Variants in TM9SF4 observed in about 807,000 individuals in gnomAD.
The protein encoded by TM9SF4 is transmembrane 9 superfamily member 4.
Under a neutral mutation model 90.4 loss-of-function variants are expected in TM9SF4, and 26 were observed. That is an observed-to-expected ratio of 0.29 (90% CI 0.21 to 0.40). The LOEUF (loss-of-function observed/expected upper bound fraction) is 0.40. Among genes scored for constraint, TM9SF4 ranks in the 10% least tolerant of loss-of-function variants. TM9SF4 has a pLI of 1.00. For synonymous variants in TM9SF4, 293 were observed against 315.4 expected, an observed-to-expected ratio of 0.93 and a Z score of 0.75; for missense variants, 549 against 834.8, an observed-to-expected ratio of 0.66 and a Z score of 4.22.
At chr20:32,125,639 C>G (rs996452325) in intron 1 of TM9SF4, among the ~76,000 whole-genome samples, 1 of 151,050 alleles carries the variant, frequency 6.6e-6, no homozygotes, top group African/African-American at 2.4e-5. Context: ...TGCTGCTTCT[C>G]TTCACATTTG....
chr20:32,139,396 C>T (rs936231929), intron 3 of TM9SF4, among the ~76,000 whole-genome samples: 1 of 152,184 alleles, frequency 6.6e-6, no homozygotes, highest in African/African-American at 2.4e-5. Flanking sequence ...TCCTAATATG[C>T]ACCATCCCTC....
chr20:32,128,822 G>GTGTGTGTGTGTA (rs1213832749), intron 1 of TM9SF4, among the ~76,000 whole-genome samples: 1 of 135,368 alleles, frequency 7.4e-6, no homozygotes, highest in African/African-American at 2.6e-5. Flanking sequence ...GTGTGTGTGT[G>GTGTGTGTGTGTA]TGTGTATACA....
rs528554151 is a variant in TM9SF4, at chr20:32,133,180, C to T, written c.129+54C>T. Reference sequence around the variant, plus strand: ...TCTGTGCTAGGCAGTGTGTCTGGAGCACCATGGTGAGCTGTTCGTGTCCAT... The same window carrying T: ...TCTGTGCTAGGCAGTGTGTCTGGAGTACCATGGTGAGCTGTTCGTGTCCAT... On this transcript the variant is annotated intron_variant, in intron 2 of 17. Transcript: ENST00000398022. The T allele has an allele frequency of 8.6e-4, 1,318 of 1,539,788 alleles. 2 individuals carry two copies. The highest frequency in any genetic ancestry group is 1.0e-3 in the Non-Finnish European group (1,114 of 1,119,384).
At chr20:32,126,489 GT>G (rs548557887) in intron 1 of TM9SF4, among the ~76,000 whole-genome samples, 193 of 152,196 alleles carry the variant, frequency 1.3e-3, no homozygotes, top group African/African-American at 4.4e-3. Context: ...GTAGACTTAA[GT>G]TCTTAGATTT....
At chr20:32,154,379 G>A (rs936914741) in intron 12 of TM9SF4, among the ~76,000 whole-genome samples, 4 of 151,860 alleles carry the variant, frequency 2.6e-5, no homozygotes, top group African/African-American at 7.3e-5. Flanking sequence ...GAGCTCAAGC[G>A]ATTCTGGAGG....
rs117822199 is a variant in TM9SF4 at position 32,141,816 on chromosome 20, G to A, written c.449G>A (p.Arg150Gln). The change falls in exon 5 of 18, where the codon CGA becomes CAA. Residue 150 changes from arginine to glutamine, a missense_variant. By Grantham distance (43) the Arg-to-Gln change is conservative (BLOSUM62 1). Transcript: ENST00000398022. ...VATRLELYSN[R>Q]DSDDKKKEKD... ...ACCCGGCTGGAGCTCTACTCCAACC[G>A]AGACAGCGATGACAAGAAGAAGGAA... 14,994 of 1,614,088 alleles carry A rather than the reference G, an allele frequency of 9.3e-3. 123 individuals are homozygous for A. Among genetic ancestry groups the A allele is most frequent in the Middle Eastern group, 9.9e-3 (60 of 6,062 alleles).
rs369638969 is a variant in TM9SF4 at position 32,165,290 on chromosome 20, C to T, written c.1780-5C>T. 96 of 1,614,022 alleles carry T rather than the reference C, an allele frequency of 5.9e-5. No homozygotes were observed. In the African/African-American group the frequency reaches 7.5e-4, roughly 13 times the overall value. On this transcript the variant is annotated splice_polypyrimidine_tract_variant and splice_region_variant and intron_variant, in intron 17 of 17. Coordinates refer to ENST00000398022, the MANE Select transcript of TM9SF4 (RefSeq NM_014742.4). Reference sequence around the variant, plus strand: ...ACCCTGTCTTCTTTCTGCTCGTGGCCGCAGCTGGACATCGTGGAGTTCATC... The same window carrying T: ...ACCCTGTCTTCTTTCTGCTCGTGGCTGCAGCTGGACATCGTGGAGTTCATC...
intron 3 of TM9SF4, chr20:32,137,128 A>C (rs1365050887): frequency 1.1e-5 from 5 of 444,122 alleles, no homozygotes; most frequent in Non-Finnish European, 1.8e-5. Flanking sequence ...GATTGGCCTC[A>C]GAGCCTGGGC....
At chr20:32,160,699 C>G (rs905270163) in intron 16 of TM9SF4, among the ~76,000 whole-genome samples, 1 of 151,940 alleles carries the variant, frequency 6.6e-6, no homozygotes, top group Non-Finnish European at 1.5e-5. Context: ...GCCTGTAATC[C>G]CAGCATTTTG....
At chr20:32,156,188 A>G (rs1041654607) in intron 13 of TM9SF4, among the ~76,000 whole-genome samples, 1 of 152,222 alleles carries the variant, frequency 6.6e-6, no homozygotes, top group African/African-American at 2.4e-5. Context: ...GCAAACATTT[A>G]TATGATGCTT....
chr20:32,163,769 G>A (rs2046149310), intron 17 of TM9SF4, among the ~76,000 whole-genome samples: 1 of 151,770 alleles, frequency 6.6e-6, no homozygotes, highest in African/African-American at 2.4e-5. Flanking sequence ...ACACCACCAC[G>A]CCCGGCTAAT....
At chr20:32,120,398 T>G (rs895086401) in intron 1 of TM9SF4, among the ~76,000 whole-genome samples, 8 of 150,782 alleles carry the variant, frequency 5.3e-5, no homozygotes, top group Non-Finnish European at 1.2e-4. Flanking sequence ...GTGGTGCGTT[T>G]TTTTTTTTTT....
chr20:32,163,245 CAAAAAAAAAAAAA>C (rs67827616), intron 17 of TM9SF4, among the ~76,000 whole-genome samples: 4 of 41,034 alleles, frequency 9.7e-5, no homozygotes, highest in East Asian at 7.6e-4. Flanking sequence ...GACTCCATCT[CAAAAAAAAAAAAA>C]AAAAAAAAAA....
At chr20:32,123,495 T>C (rs1311872957) in intron 1 of TM9SF4, among the ~76,000 whole-genome samples, 1 of 151,284 alleles carries the variant, frequency 6.6e-6, no homozygotes, top group Admixed American at 6.6e-5. Context: ...TTTTTTTAAC[T>C]GCCCATTCGT....
In TM9SF4 at chr20:32,165,422, A is replaced by G; in HGVS notation, c.1907A>G (p.Tyr636Cys). Residue 636 changes from tyrosine (Y) to cysteine (C), a missense_variant, in exon 18 of 18, where the codon TAT (tyrosine) becomes TGT (cysteine). By Grantham distance (194) the Tyr-to-Cys change is radical. This residue lies in a region of TM9SF4 where 54 missense variants were observed against 123.1 expected (regional missense o/e 0.44). Coordinates refer to ENST00000398022, the MANE Select transcript of TM9SF4 (RefSeq NM_014742.4). ...YAAYMFVRKI[Y>C]AAVKID ...GCCTACATGTTTGTTCGCAAGATCTATGCTGCTGTGAAGATAGACTGATTG... is the reference window on the plus strand; with the variant it reads ...GCCTACATGTTTGTTCGCAAGATCTGTGCTGCTGTGAAGATAGACTGATTG... 6.2e-7 allele frequency: 1 copy of G among 1,614,144 alleles called. No homozygotes were observed. Among genetic ancestry groups the G allele is most frequent in the Non-Finnish European group, 8.5e-7 (1 of 1,180,022 alleles).
At chr20:32,121,882 T>G (rs1401004757) in intron 1 of TM9SF4, among the ~76,000 whole-genome samples, 7 of 133,640 alleles carry the variant, frequency 5.2e-5, no homozygotes, top group Non-Finnish European at 1.6e-5. Context: ...GGCGGGGGGC[T>G]GACCCCCCCA....
At chr20:32,158,107 C>A in intron 14 of TM9SF4, 138 bp downstream of exon 14, 1 of 1,234,368 alleles carries the variant, frequency 8.1e-7, no homozygotes, top group Non-Finnish European at 1.1e-6. Flanking sequence ...TAACTTCACT[C>A]CAAGATCAAG....
At chr20:32,138,342 G>A (rs1350836346) in intron 3 of TM9SF4, among the ~76,000 whole-genome samples, 2 of 152,178 alleles carry the variant, frequency 1.3e-5, no homozygotes, top group Non-Finnish European at 2.9e-5. Flanking sequence ...GTACTTCCAT[G>A]TATAAAATGA....
At chr20:32,141,730 G>T (rs369411336) in intron 4 of TM9SF4, 36 bp from the exon 5 acceptor site, 2 of 1,613,258 alleles carry the variant, frequency 1.2e-6, no homozygotes, top group South Asian at 1.1e-5. Context: ...CGGGAGAGGC[G>T]GTCGAGAGGG....
Sources: gnomAD v4.1 joint callset for allele counts (sites outside exome capture counted in the v4.1 genomes callset) on GRCh38, gnomAD v4.1.1 for gene constraint, gnomAD v4.1.1 regional missense constraint, MANE v1.5 for transcripts, NCBI Gene and HGNC (gene_info 2026-07-23, HGNC 2026-07-21) for gene names.